ANKRD55: variants seen among roughly 807,000 people sequenced by gnomAD.
The protein encoded by ANKRD55 is ankyrin repeat domain 55.
Under a neutral mutation model 60.6 loss-of-function variants are expected in ANKRD55, and 41 were observed. That is an observed-to-expected ratio of 0.68 (90% CI 0.53 to 0.88). The LOEUF is 0.88. ANKRD55 is among the 40% of genes least tolerant of loss of function. The probability of loss-of-function intolerance (pLI) is 0.00; values close to 1 mark genes in which losing one functional copy is unlikely to be tolerated. For synonymous variants in ANKRD55, 264 were observed against 290.3 expected (o/e 0.91, Z 0.92); for missense variants, 732 against 767.6 (o/e 0.95, Z 0.55).
intron 8 of ANKRD55, among the ~76,000 whole-genome samples, chr5:56,120,256 C>T (rs554721373): frequency 1.6e-4 from 24 of 152,052 alleles, no homozygotes; most frequent in African/African-American, 3.6e-4. Flanking sequence ...AGGATGGTTT[C>T]GATCTCCTGA....
chr5:56,166,199 T>TTCCTTCCTTCTCTC lies in ANKRD55; in HGVS notation c.422+4494_422+4495insGAGAGAAGGAAGGA, dbSNP rs769664867. 3.6e-4 allele frequency among the ~76,000 whole-genome samples: 35 copies of TTCCTTCCTTCTCTC among 96,116 alleles called. 2 individuals are homozygous for TTCCTTCCTTCTCTC. Among genetic ancestry groups the TTCCTTCCTTCTCTC allele is most frequent in the African/African-American group, 1.6e-3 (28 of 17,194 alleles). 63.1% of individuals were successfully genotyped at this position (96,116 alleles called of 152,430 possible). On this transcript the variant is annotated intron_variant, in intron 5 of 11. Transcript: ENST00000341048. ...CTTCCTTCCTTCCTTCCTTCCTTCC[T>TTCCTTCCTTCTCTC]TCTCTCTCTCTCTCTCTCTTTCTTT... is the stretch of plus-strand genomic sequence containing the variant.
intron 2 of ANKRD55, among the ~76,000 whole-genome samples, chr5:56,215,850 G>C (rs150365268): frequency 2.0e-5 from 3 of 152,074 alleles, no homozygotes; most frequent in African/African-American, 7.3e-5. Context: ...CAGAGTGATA[G>C]CTCTTTTTTT....
intron 2 of ANKRD55, among the ~76,000 whole-genome samples, chr5:56,201,268 T>C (rs751645413): frequency 6.6e-5 from 10 of 152,108 alleles, no homozygotes; most frequent in Non-Finnish European, 1.2e-4. Context: ...ATGCCAGGCC[T>C]TACACTGCAC....
intron 2 of ANKRD55, among the ~76,000 whole-genome samples, chr5:56,202,240 A>C (rs1217099475): frequency 6.6e-6 from 1 of 152,078 alleles, no homozygotes; most frequent in Non-Finnish European, 1.5e-5. Flanking sequence ...GCAGCAAACA[A>C]CCATGGCACA....
intron 7 of ANKRD55, among the ~76,000 whole-genome samples, chr5:56,143,448 A>C (rs1757820900): frequency 6.6e-6 from 1 of 152,110 alleles, no homozygotes; most frequent in South Asian, 2.1e-4. Context: ...GAGGATTTGG[A>C]AGCAAGAAGA....
chr5:56,140,043 C>T (rs1440589840), intron 7 of ANKRD55, among the ~76,000 whole-genome samples: 2 of 152,204 alleles, frequency 1.3e-5, no homozygotes, highest in East Asian at 3.9e-4. Context: ...ATCTTTACTG[C>T]TTTGTTTATT....
In ANKRD55 at chr5:56,132,177, G is replaced by A. The variant is rs148959555; in HGVS notation, c.613-5071C>T. Among the ~76,000 whole-genome samples, 79 of 151,918 alleles carry A rather than the reference G, an allele frequency of 5.2e-4. 2 individuals carry two copies. The East Asian group carries it at 0.015, about 29-fold the overall frequency. ...ATAGTGTTATTTTGAAGTGGATTTC[G>A]ATTAGTTGTAAACATACTTGGTATA... On this transcript the variant is annotated intron_variant, in intron 7 of 11. Coordinates refer to ENST00000341048, the MANE Select transcript of ANKRD55 (RefSeq NM_024669.3).
chr5:56,202,257 C>A (rs1356508767), intron 2 of ANKRD55, among the ~76,000 whole-genome samples: 1 of 152,036 alleles, frequency 6.6e-6, no homozygotes, highest in Non-Finnish European at 1.5e-5. Flanking sequence ...CACACATTTA[C>A]CTATGTAACA....
intron 7 of ANKRD55, among the ~76,000 whole-genome samples, chr5:56,138,122 T>G (rs1178673949): frequency 1.6e-5 from 2 of 123,654 alleles, no homozygotes; most frequent in Non-Finnish European, 3.5e-5. Context: ...TGGTGGTTTC[T>G]TTTTCTTTTT....
chr5:56,211,559 C>A (rs955340377), intron 2 of ANKRD55, among the ~76,000 whole-genome samples: 4 of 152,174 alleles, frequency 2.6e-5, no homozygotes, highest in Admixed American at 6.5e-5. Context: ...GGCCTTGGAT[C>A]CCGCCCTCTG....
chr5:56,208,671 G>A (rs907414455), intron 2 of ANKRD55, among the ~76,000 whole-genome samples: 1 of 152,116 alleles, frequency 6.6e-6, no homozygotes, highest in Admixed American at 6.5e-5. Flanking sequence ...TGATCTGCTC[G>A]CCTTGGCCTC....
intron 2 of ANKRD55, among the ~76,000 whole-genome samples, chr5:56,216,252 A>C (rs552299885): frequency 6.6e-6 from 1 of 152,224 alleles, no homozygotes; most frequent in South Asian, 2.1e-4. Flanking sequence ...GACCGCATCC[A>C]CAGAAGATGG....
intron 3 of ANKRD55, among the ~76,000 whole-genome samples, chr5:56,182,585 TTGA>T (rs1758874157): frequency 6.6e-6 from 1 of 152,202 alleles, no homozygotes; most frequent in Non-Finnish European, 1.5e-5. Flanking sequence ...TTGGCATCTG[TTGA>T]TTATTTTTTC....
intron 2 of ANKRD55, among the ~76,000 whole-genome samples, chr5:56,192,180 G>A (rs1392524413): frequency 6.6e-6 from 1 of 152,090 alleles, no homozygotes; most frequent in African/African-American, 2.4e-5. Flanking sequence ...CTGCTTACAT[G>A]AGGAGCATGT....
rs754175917 is a variant in ANKRD55 at position 56,232,955 on chromosome 5, G to A, written c.-33-9C>T. 10 of 1,584,462 alleles carry A rather than the reference G, an allele frequency of 6.3e-6. No individual in the cohort carries two copies. The highest frequency in any genetic ancestry group is 1.7e-5 in the Admixed American group (1 of 59,918). On this transcript the variant is annotated splice_polypyrimidine_tract_variant and intron_variant, in intron 1 of 11. Transcript: ENST00000341048. ...AAAAAGCATCCAGGTCTCTAGAGAG[G>A]AGAAAACACCATCTCAAACCTTACT...
chr5:56,103,566 T>C (rs929837799), intron 10 of ANKRD55, among the ~76,000 whole-genome samples: 1 of 152,096 alleles, frequency 6.6e-6, no homozygotes, highest in Non-Finnish European at 1.5e-5. Flanking sequence ...TTCAGTTATA[T>C]GACATTGGGC....
intron 5 of ANKRD55, among the ~76,000 whole-genome samples, chr5:56,165,466 T>C (rs893198668): frequency 3.3e-5 from 5 of 152,198 alleles, no homozygotes; most frequent in Non-Finnish European, 5.9e-5. Flanking sequence ...TCTTCCATCA[T>C]CATCATCATT....
At chr5:56,137,037 C>A in intron 7 of ANKRD55, 1 of 754,504 alleles carries the variant, frequency 1.3e-6, no homozygotes. Flanking sequence ...TCAAGAGGTT[C>A]AAGTCTTCGT....
Position 56,100,101 on chromosome 5 carries a change from G to C in ANKRD55, c.*82C>G, listed in dbSNP as rs947020886. 1.9e-6 allele frequency: 3 copies of C among 1,588,424 alleles called. No individual in the cohort carries two copies. Among genetic ancestry groups the C allele is most frequent in the East Asian group, 2.2e-5 (1 of 44,542 alleles). On this transcript the variant is annotated 3_prime_UTR_variant, in exon 12 of 12. Coordinates refer to ENST00000341048, the MANE Select transcript of ANKRD55 (RefSeq NM_024669.3). ...AATGCAGCTTACTAAATTGGTCTTC[G>C]TTCTTACAAACTGGAGTAATCTTGT...
Sources: gnomAD v4.1 joint callset for allele counts (sites outside exome capture counted in the v4.1 genomes callset) on GRCh38, gnomAD v4.1.1 for gene constraint, MANE v1.5 for transcripts, NCBI Gene and HGNC (gene_info 2026-07-23, HGNC 2026-07-21) for gene names.